The following HIPK2 variants were observed in gnomAD, a reference collection of about 807,000 sequenced individuals.
HIPK2 encodes homeodomain-interacting protein kinase 2.
In HIPK2, 27 loss-of-function variants were observed where a neutral mutation model predicts 113.7. That is an observed-to-expected ratio of 0.24 (90% confidence interval 0.17 to 0.33). The LOEUF (loss-of-function observed/expected upper bound fraction) is 0.33, where lower values mean the gene tolerates loss of function less well. Among genes scored for constraint, HIPK2 ranks in the 10% least tolerant of loss-of-function variants. HIPK2 has a pLI of 1.00. For synonymous variants in HIPK2, 631 were observed against 642.2 expected (o/e 0.98, Z 0.26); for missense variants, 1,257 against 1,588.0 (o/e 0.79, Z 3.54).
At chr7:139,607,396 T>C (rs929888528) in intron 9 of HIPK2, among the ~76,000 whole-genome samples, 1 of 151,972 alleles carries the variant, frequency 6.6e-6, no homozygotes, top group African/African-American at 2.4e-5. Flanking sequence ...AAAGAAGGCA[T>C]GTAGTCATGA....
In HIPK2 at chr7:139,580,049, T is replaced by C. The variant is rs116499444; in HGVS notation, c.2965+3768A>G. Among the ~76,000 whole-genome samples, 390 of 152,080 alleles carry C rather than the reference T, an allele frequency of 2.6e-3. 4 individuals are homozygous for C. Among genetic ancestry groups the C allele is most frequent in the African/African-American group, 8.7e-3 (359 of 41,488 alleles). On this transcript the variant is annotated intron_variant, in intron 13 of 14. Transcript: ENST00000406875. Reference sequence around the variant, plus strand: ...TGGAGGGATTTTTGTGGACTCAATGTAGAAAAGAAAAATAGAAAGCTGCAA... The same window carrying C: ...TGGAGGGATTTTTGTGGACTCAATGCAGAAAAGAAAAATAGAAAGCTGCAA...
intron 1 of HIPK2, among the ~76,000 whole-genome samples, chr7:139,763,286 T>G (rs1796498067): frequency 6.6e-6 from 1 of 152,140 alleles, no homozygotes. Flanking sequence ...GAATCTAATG[T>G]GCACTTAATA....
chr7:139,679,979 C>T (rs550951955), intron 2 of HIPK2, among the ~76,000 whole-genome samples: 2 of 151,944 alleles, frequency 1.3e-5, no homozygotes, highest in East Asian at 1.9e-4. Flanking sequence ...AGCCAGATAC[C>T]CTGGGGAGCA....
At chr7:139,585,566 G>C (rs1798806760) in intron 12 of HIPK2, among the ~76,000 whole-genome samples, 1 of 152,218 alleles carries the variant, frequency 6.6e-6, no homozygotes, top group South Asian at 2.1e-4. Flanking sequence ...TGGTGACAGG[G>C]CGGTGGGCAG....
In HIPK2 at chr7:139,629,004, C is replaced by G. The variant is rs1233261513; in HGVS notation, c.1383G>C (p.Lys461Asn). 3 of 1,595,680 alleles carry G rather than the reference C, an allele frequency of 1.9e-6. No homozygotes were observed. Reference protein sequence around the residue: ...PDDHEAETGIKSKEARKYIFN... With the variant: ...PDDHEAETGINSKEARKYIFN... ...AAATGTACTTTCTTGCTTCTTTTGA[C>G]TTAATCCCTGTCTCTGCTTCATGGT... Residue 461 changes from lysine (K) to asparagine (N), a missense_variant, in exon 5 of 15, where the codon AAG becomes AAC. By Grantham distance (94) the Lys-to-Asn change is moderately conservative (BLOSUM62 0). This residue lies in a region of HIPK2 where 862 missense variants were observed against 1,004.3 expected (regional missense o/e 0.86). Coordinates refer to ENST00000406875, the MANE Select transcript of HIPK2 (RefSeq NM_022740.5).
intron 1 of HIPK2, among the ~76,000 whole-genome samples, chr7:139,759,417 T>C (rs1417932834): frequency 1.3e-5 from 2 of 152,250 alleles, no homozygotes; most frequent in East Asian, 1.9e-4. Context: ...CCCTTGACTA[T>C]ATAATCCCAT....
chr7:139,682,854 G>C (rs1794090294), intron 2 of HIPK2, among the ~76,000 whole-genome samples: 1 of 152,194 alleles, frequency 6.6e-6, no homozygotes, highest in Non-Finnish European at 1.5e-5. Flanking sequence ...TGAGCTGTGT[G>C]CATTCCAGAG....
intron 2 of HIPK2, among the ~76,000 whole-genome samples, chr7:139,638,947 C>G (rs564721142): frequency 2.0e-5 from 3 of 152,208 alleles, no homozygotes; most frequent in African/African-American, 7.2e-5. Flanking sequence ...TGAGCCACCA[C>G]GCCCAGCCAA....
chr7:139,675,865 C>T lies in HIPK2; in HGVS notation c.1103+40067G>A, dbSNP rs531644863. On this transcript the variant is annotated intron_variant, in intron 2 of 14. Coordinates refer to ENST00000406875, the MANE Select transcript of HIPK2 (RefSeq NM_022740.5). ...GATAAGACTCAAAATGATGCTCTTT[C>T]TTCAATGATGCCTGAACAGATGGCT... Among the ~76,000 whole-genome samples, 5 of 152,294 alleles carry T rather than the reference C, an allele frequency of 3.3e-5. No individual in the cohort carries two copies. In the East Asian group the frequency reaches 9.6e-4, roughly 29 times the overall value.
intron 13 of HIPK2, among the ~76,000 whole-genome samples, chr7:139,580,139 C>T (rs921821386): frequency 2.0e-5 from 3 of 152,180 alleles, no homozygotes; most frequent in Non-Finnish European, 4.4e-5. Flanking sequence ...TTGGGGGAAG[C>T]CTCCTTCTTG....
rs1384114620 is a variant in HIPK2, at chr7:139,563,724, AAG to A, written c.*9201_*9202del. 1 of 397,830 alleles carries A rather than the reference AAG, an allele frequency of 2.5e-6. No homozygotes were observed. The highest frequency in any genetic ancestry group is 2.1e-5 in the African/African-American group (1 of 48,628). 24.6% of individuals were successfully genotyped at this position (397,830 alleles called of 1,614,324 possible). A position where few individuals can be genotyped will look rare whatever the true frequency, so the allele number is the denominator to read the frequency against. On this transcript the variant is annotated 3_prime_UTR_variant, in exon 15 of 15. Transcript: ENST00000406875. ...TATTTTACAGTAACATTTCCACCAA[AAG>A]ACTGTCCTAAGAACACGCTGTCAAT...
chr7:139,714,693 G>A lies in HIPK2; in HGVS notation c.1103+1239C>T, dbSNP rs569289083. On this transcript the variant is annotated intron_variant, in intron 2 of 14. Transcript: ENST00000406875. The surrounding 1 kb of genome is among the most constrained non-coding windows in gnomAD (Gnocchi z 4.2). ...CCCGGTCTTCCTGCCTACGTGGCAC[G>A]CTCTTAAATGTGCATCCGTCCCATC... Among the ~76,000 whole-genome samples the A allele has an allele frequency of 7.2e-5, 11 of 152,330 alleles. No homozygotes were observed. Among genetic ancestry groups the A allele is most frequent in the Non-Finnish European group, 1.5e-4 (10 of 68,034 alleles).
intron 2 of HIPK2, among the ~76,000 whole-genome samples, chr7:139,640,269 T>C (rs955697356): frequency 1.3e-5 from 2 of 152,194 alleles, no homozygotes; most frequent in African/African-American, 4.8e-5. Flanking sequence ...TTGGACACCA[T>C]CAATATGGAA....
intron 2 of HIPK2, among the ~76,000 whole-genome samples, chr7:139,710,494 A>C (rs1432748283): frequency 6.6e-6 from 1 of 152,220 alleles, no homozygotes; most frequent in Non-Finnish European, 1.5e-5. Flanking sequence ...CTGTTGAATG[A>C]CCAAACATTT....
intron 2 of HIPK2, among the ~76,000 whole-genome samples, chr7:139,715,664 G>A (rs1383415915): frequency 2.6e-5 from 4 of 152,158 alleles, no homozygotes; most frequent in Non-Finnish European, 4.4e-5. Context: ...CCGGGAGGAC[G>A]GAACTCTTCT....
At chr7:139,632,281 G>T (rs767943312) in intron 2 of HIPK2, among the ~76,000 whole-genome samples, 3 of 152,278 alleles carry the variant, frequency 2.0e-5, no homozygotes, top group Admixed American at 6.5e-5. Context: ...CTCCTGAGTA[G>T]CTGGGTCTAT....
chr7:139,708,051 C>A (rs1794958460), intron 2 of HIPK2, among the ~76,000 whole-genome samples: 2 of 152,072 alleles, frequency 1.3e-5, no homozygotes, highest in African/African-American at 4.8e-5. Flanking sequence ...ACGGGCCCTG[C>A]AGAAGGGCTC....
At chr7:139,590,771 T>C (rs1236207605) in intron 12 of HIPK2, among the ~76,000 whole-genome samples, 1 of 152,148 alleles carries the variant, frequency 6.6e-6, no homozygotes, top group African/African-American at 2.4e-5. Context: ...TCCTTCCTGA[T>C]AGCTGCTGAC....
chr7:139,656,540 A>C (rs1367414010), intron 2 of HIPK2, among the ~76,000 whole-genome samples: 1 of 152,046 alleles, frequency 6.6e-6, no homozygotes, highest in Non-Finnish European at 1.5e-5. Context: ...CTCTGCCTCT[A>C]ATCTTTCCCT....
Sources: allele counts gnomAD v4.1 joint callset (sites outside exome capture counted in the v4.1 genomes callset), GRCh38; gene constraint gnomAD v4.1.1; regional missense constraint gnomAD v4.1.1; non-coding constraint Gnocchi (gnomAD v3.1); transcripts MANE v1.5; gene names NCBI Gene and HGNC (gene_info 2026-07-23, HGNC 2026-07-21).